NFATC2: variants seen among roughly 807,000 people sequenced by gnomAD.
The protein encoded by NFATC2 is nuclear factor of activated T cells 2, also known as nuclear factor of activated T-cells, cytoplasmic 2.
Under a neutral mutation model 87.3 loss-of-function variants are expected in NFATC2, and 22 were observed. The observed-to-expected ratio is 0.25, with a 90% confidence interval of 0.18 to 0.36. The LOEUF is 0.36. Ranked by LOEUF, NFATC2 falls within the 10% of genes least tolerant of loss-of-function variation. The pLI is 1.00. For missense variants in NFATC2, 1,149 were observed against 1,259.1 expected (o/e 0.91, Z 1.32); for synonymous variants, 565 against 542.2 (o/e 1.04, Z -0.58).
chr20:51,401,098 A>AGTGGCTCATGCCT (rs1477884478), intron 9 of NFATC2, among the ~76,000 whole-genome samples: 3 of 152,216 alleles, frequency 2.0e-5, no homozygotes, highest in African/African-American at 4.8e-5. Context: ...GGCCAGGCAC[A>AGTGGCTCATGCCT]GTGGCTCATG....
intron 5 of NFATC2, among the ~76,000 whole-genome samples, chr20:51,469,928 T>C (rs1187390832): frequency 1.3e-5 from 2 of 152,154 alleles, no homozygotes; most frequent in South Asian, 2.1e-4. Context: ...TTTGCAGTAA[T>C]TGATTATGAC....
In NFATC2 at chr20:51,432,397, G is replaced by A. The variant is rs760256289; in HGVS notation, c.2392C>T (p.Leu798Phe). 1.8e-5 allele frequency: 29 copies of A among 1,603,194 alleles called. No homozygotes were observed. Among genetic ancestry groups the A allele is most frequent in the Middle Eastern group, 1.7e-4 (1 of 6,030 alleles). The change falls in exon 9 of 11, where the codon CTC becomes TTC. Residue 798 changes from leucine (L) to phenylalanine (F), a missense_variant. By Grantham distance (22) the Leu-to-Phe change is conservative. Coordinates refer to ENST00000371564, the MANE Select transcript of NFATC2 (RefSeq NM_012340.5). The surrounding 1 kb of genome is among the most constrained non-coding windows in gnomAD (Gnocchi z 4.6). ...AGSQGQSSAL[L>F]HPSPTNQQAS... ...TGCTGGTTGGTCGGAGAGGGGTGGA[G>A]CAGGGCTGAGCTCTGGCCCTGGGAG...
rs77185054 is a variant in NFATC2, at chr20:51,420,982, G to A, written c.2722+11085C>T. ...AGGCTGAGGCAGGAAGATTGTTTGAGCCCAGGAAATCGACACTGCAGTGCA... is the reference window on the plus strand; with the variant it reads ...AGGCTGAGGCAGGAAGATTGTTTGAACCCAGGAAATCGACACTGCAGTGCA... On this transcript the variant is annotated intron_variant, in intron 9 of 10. Coordinates refer to ENST00000371564, the MANE Select transcript of NFATC2 (RefSeq NM_012340.5). 6.6e-3 allele frequency among the ~76,000 whole-genome samples: 995 copies of A among 151,626 alleles called. 12 individuals are homozygous for A. The highest frequency in any genetic ancestry group is 0.023 in the African/African-American group (961 of 41,336).
chr20:51,528,646 C>T (rs530778986), intron 1 of NFATC2, among the ~76,000 whole-genome samples: 2 of 152,296 alleles, frequency 1.3e-5, no homozygotes, highest in South Asian at 4.1e-4. Flanking sequence ...AGAAAGGAGA[C>T]TTCCTTTGAT....
At chr20:51,492,207 G>C (rs886754696) in intron 3 of NFATC2, among the ~76,000 whole-genome samples, 2 of 151,858 alleles carry the variant, frequency 1.3e-5, no homozygotes, top group African/African-American at 4.8e-5. Flanking sequence ...CTGTCTAGAC[G>C]AGGTCCCTGG....
intron 1 of NFATC2, among the ~76,000 whole-genome samples, chr20:51,551,964 T>G (rs930770119): frequency 1.3e-5 from 2 of 151,772 alleles, no homozygotes; most frequent in African/African-American, 4.8e-5. Flanking sequence ...GAGGTGGAGC[T>G]TGCAGTGAGC....
At chr20:51,493,839 C>A (rs1395703261) in intron 3 of NFATC2, among the ~76,000 whole-genome samples, 2 of 152,162 alleles carry the variant, frequency 1.3e-5, no homozygotes, top group African/African-American at 4.8e-5. Flanking sequence ...AAAGAGCCAG[C>A]CCGGAACGTG....
chr20:51,465,593 C>T (rs957681478), intron 5 of NFATC2, among the ~76,000 whole-genome samples: 3 of 152,146 alleles, frequency 2.0e-5, no homozygotes, highest in Non-Finnish European at 2.9e-5. Context: ...GGCCTTTGTA[C>T]TGGCTATACT....
At chr20:51,400,505 G>C (rs1459957206) in intron 9 of NFATC2, among the ~76,000 whole-genome samples, 1 of 152,096 alleles carries the variant, frequency 6.6e-6, no homozygotes, top group African/African-American at 2.4e-5. Flanking sequence ...CAGGGGACTC[G>C]AGAAACCAAG....
chr20:51,437,641 C>T (rs928272205), intron 6 of NFATC2, among the ~76,000 whole-genome samples: 14 of 151,856 alleles, frequency 9.2e-5, no homozygotes, highest in African/African-American at 3.1e-4. Context: ...ACAAGGAACA[C>T]GCAATGAACA....
chr20:51,398,806 A>C (rs1987637750), intron 9 of NFATC2, 76 bp from the exon 10 acceptor site: 3 of 1,002,960 alleles, frequency 3.0e-6, no homozygotes, highest in Non-Finnish European at 4.7e-6. Flanking sequence ...CTTCCAACTC[A>C]TGCCGATATC....
At chr20:51,448,805 C>T (rs565017918) in intron 6 of NFATC2, among the ~76,000 whole-genome samples, 1 of 152,218 alleles carries the variant, frequency 6.6e-6, no homozygotes, top group South Asian at 2.1e-4. Context: ...GTCAAAAAAG[C>T]TGAGGTCAGA....
chr20:51,440,822 T>C (rs551349320), intron 6 of NFATC2, among the ~76,000 whole-genome samples: 31 of 152,324 alleles, frequency 2.0e-4, no homozygotes, highest in African/African-American at 7.5e-4. Context: ...GAGGCTGGTC[T>C]CTAAGGGAAG....
intron 9 of NFATC2, among the ~76,000 whole-genome samples, chr20:51,400,069 A>C (rs1209340740): frequency 6.6e-6 from 1 of 150,716 alleles, no homozygotes; most frequent in Admixed American, 6.6e-5. Flanking sequence ...GTGTTCCCTG[A>C]CTCCTTGTTC....
intron 1 of NFATC2, among the ~76,000 whole-genome samples, chr20:51,529,992 C>T (rs561219152): frequency 4.6e-5 from 7 of 152,118 alleles, no homozygotes; most frequent in South Asian, 2.1e-4. Flanking sequence ...TAGAGTTTGA[C>T]GAGTTTTGCC....
At chr20:51,461,967 AAGTT>A (rs1987209064) in intron 5 of NFATC2, among the ~76,000 whole-genome samples, 1 of 151,510 alleles carries the variant, frequency 6.6e-6, no homozygotes, top group Admixed American at 6.6e-5. Context: ...ACTACAAAAA[AAGTT>A]AGCTGGGCGT....
intron 9 of NFATC2, among the ~76,000 whole-genome samples, chr20:51,406,593 C>T (rs1004580987): frequency 5.3e-5 from 8 of 152,214 alleles, no homozygotes; most frequent in African/African-American, 1.9e-4. Context: ...GGCTTGCTTC[C>T]ATTGGCAATG....
rs76243233 is a variant in NFATC2 at position 51,402,865 on chromosome 20, T to C, written c.2723-4135A>G. Among the ~76,000 whole-genome samples, 6 of 152,300 alleles carry C rather than the reference T, an allele frequency of 3.9e-5. No homozygotes were observed. In the South Asian group the frequency reaches 1.0e-3, roughly 26 times the overall value. On this transcript the variant is annotated intron_variant, in intron 9 of 10. Coordinates refer to ENST00000371564, the MANE Select transcript of NFATC2 (RefSeq NM_012340.5). ...GGGCAAAACCCCTGGCCTGGCTTCA[T>C]AAAGATATTTCTTCAAATACCAACA...
chr20:51,558,477 G>T (rs1424680648), intron 1 of NFATC2, among the ~76,000 whole-genome samples: 2 of 151,154 alleles, frequency 1.3e-5, no homozygotes, highest in East Asian at 3.9e-4. Context: ...TTAGGCATTG[G>T]TTTTTTTGGG....
Sources: allele counts gnomAD v4.1 joint callset (sites outside exome capture counted in the v4.1 genomes callset), GRCh38; gene constraint gnomAD v4.1.1; non-coding constraint Gnocchi (gnomAD v3.1); transcripts MANE v1.5; gene names NCBI Gene and HGNC (gene_info 2026-07-23, HGNC 2026-07-21).